The following ZNF638 variants were observed in gnomAD, a reference collection of about 807,000 sequenced individuals.
ZNF638 encodes the protein CTCL tumor antigen se33-1.
In ZNF638, 46 loss-of-function variants were observed where a neutral mutation model predicts 195.6. The observed-to-expected ratio is 0.24, with a 90% CI of 0.19 to 0.30. ZNF638 has a LOEUF of 0.30. Among genes scored for constraint, ZNF638 ranks in the 10% least tolerant of loss-of-function variants. ZNF638 has a pLI of 1.00. For missense variants in ZNF638, 2,440 were observed against 2,325.3 expected (o/e 1.05, Z -1.01); for synonymous variants, 845 against 772.0 (o/e 1.09, Z -1.57).
intron 6 of ZNF638, among the ~76,000 whole-genome samples, chr2:71,366,169 G>A (rs1376673022): frequency 2.0e-5 from 3 of 152,126 alleles, no homozygotes; most frequent in Admixed American, 6.5e-5. Context: ...GAGCTACGTG[G>A]TGGAACTCCC....
chr2:71,426,713 C>T lies in ZNF638; in HGVS notation c.4844C>T (p.Ala1615Val). 1 of 1,614,176 alleles carries T rather than the reference C, an allele frequency of 6.2e-7. No individual in the cohort carries two copies. The highest frequency in any genetic ancestry group is 1.1e-5 in the South Asian group (1 of 91,082). Residue 1615 changes from alanine (A) to valine (V), a missense_variant, in exon 24 of 28, where the codon GCA becomes GTA. By Grantham distance (64) the Ala-to-Val change is moderately conservative. This residue lies in a region of ZNF638 where 1,883 missense variants were observed against 1,739.1 expected (regional missense o/e 1.08). Coordinates refer to ENST00000264447, the MANE Select transcript of ZNF638 (RefSeq NM_014497.5). ...GEEEDAAAHL[A>V]QALVTVDEVI... ...GAGGAAGATGCAGCTGCACATCTAG[C>T]ACAAGCTCTAGTCACTGTGGATGAA...
rs1172432399 is a variant in ZNF638 at position 71,403,970 on chromosome 2, C to A, written c.2930C>A (p.Ala977Asp). 6.2e-7 allele frequency: 1 copy of A among 1,611,728 alleles called. No homozygotes were observed. Among genetic ancestry groups the A allele is most frequent in the Admixed American group, 1.7e-5 (1 of 59,690 alleles). ...GGAAATCAACTCTCAATAAGTATGG[C>A]TCCTGAAAACATGAATATAAAAGAT... ...MDGNQLSISM[A>D]PENMNIKDEE... The change falls in exon 17 of 28, where the codon GCT becomes GAT. Residue 977 changes from alanine to aspartate, a missense_variant. Ala to Asp is a moderately radical substitution (Grantham distance 126, BLOSUM62 -2). Coordinates refer to ENST00000264447, the MANE Select transcript of ZNF638 (RefSeq NM_014497.5).
intron 1 of ZNF638, chr2:71,348,371 G>A (rs944509635): frequency 5.9e-5 from 56 of 955,208 alleles, no homozygotes; most frequent in Admixed American, 1.1e-4. Flanking sequence ...GATAACATGC[G>A]TATTAAATGT....
intron 25 of ZNF638, among the ~76,000 whole-genome samples, chr2:71,429,736 A>G (rs929139833): frequency 6.6e-6 from 1 of 151,832 alleles, no homozygotes; most frequent in South Asian, 2.1e-4. Context: ...TGTTGATGAA[A>G]CCCCCATTAG....
intron 21 of ZNF638, among the ~76,000 whole-genome samples, chr2:71,421,979 A>G (rs1384719889): frequency 6.6e-6 from 1 of 152,210 alleles, no homozygotes; most frequent in African/African-American, 2.4e-5. Flanking sequence ...TGGGAAGACC[A>G]TGATGAAATA....
At chr2:71,381,346 A>G (rs2079531366) in intron 10 of ZNF638, among the ~76,000 whole-genome samples, 1 of 152,082 alleles carries the variant, frequency 6.6e-6, no homozygotes, top group Non-Finnish European at 1.5e-5. Context: ...GTGAGGTGAA[A>G]ATTGGATTGT....
At chr2:71,337,964 A>G (rs2078699487) in intron 1 of ZNF638, among the ~76,000 whole-genome samples, 1 of 152,136 alleles carries the variant, frequency 6.6e-6, no homozygotes, top group African/African-American at 2.4e-5. Flanking sequence ...TTTTGGATTT[A>G]TCTGATGTTT....
At chr2:71,394,896 G>A (rs1247115721) in intron 10 of ZNF638, among the ~76,000 whole-genome samples, 1 of 152,140 alleles carries the variant, frequency 6.6e-6, no homozygotes, top group Non-Finnish European at 1.5e-5. Context: ...GGCTGCCTTG[G>A]AACATGTAGG....
chr2:71,428,719 T>TA, intron 25 of ZNF638, 68 bp downstream of exon 25: 1 of 1,372,150 alleles, frequency 7.3e-7, no homozygotes, highest in Non-Finnish European at 1.0e-6. Context: ...AGTTTAAAGA[T>TA]CTATCTAAGA....
chr2:71,370,384 T>C (rs2079287879), intron 8 of ZNF638, among the ~76,000 whole-genome samples: 2 of 152,226 alleles, frequency 1.3e-5, no homozygotes, highest in South Asian at 2.1e-4. Context: ...AATGCCATAG[T>C]TGAGTTTTGC....
At chr2:71,332,696 C>T (rs552945977) in intron 1 of ZNF638, 3 of 152,110 alleles carry the variant, frequency 2.0e-5, no homozygotes. Context: ...TCCTTGAGAA[C>T]GTTTGAAATA....
chr2:71,355,630 C>T (rs898176378), intron 2 of ZNF638, 89 bp from the exon 3 acceptor site: 1 of 963,672 alleles, frequency 1.0e-6, no homozygotes, highest in Non-Finnish European at 1.5e-6. Flanking sequence ...AATTTTTGAA[C>T]AAAATATTAT....
At chr2:71,356,439 A>G (rs1341960571) in intron 3 of ZNF638, among the ~76,000 whole-genome samples, 1 of 152,184 alleles carries the variant, frequency 6.6e-6, no homozygotes, top group African/African-American at 2.4e-5. Context: ...ACTGAGAGTA[A>G]CGTGTTATTG....
intron 1 of ZNF638, among the ~76,000 whole-genome samples, chr2:71,344,129 C>A (rs1421114282): frequency 6.6e-6 from 1 of 151,654 alleles, no homozygotes; most frequent in African/African-American, 2.4e-5. Context: ...GACTCCGTCT[C>A]AAAAAAAATA....
chr2:71,348,329 T>C, intron 1 of ZNF638: 1 of 877,964 alleles, frequency 1.1e-6, no homozygotes, highest in Non-Finnish European at 1.4e-6. Context: ...TCTTTTAGGC[T>C]TACAGTTCTT....
At chr2:71,333,316 G>A (rs945242475) in intron 1 of ZNF638, among the ~76,000 whole-genome samples, 1 of 152,068 alleles carries the variant, frequency 6.6e-6, no homozygotes, top group Non-Finnish European at 1.5e-5. Flanking sequence ...TTCCTTCCTT[G>A]GGGATTTATT....
intron 10 of ZNF638, among the ~76,000 whole-genome samples, chr2:71,390,662 G>A (rs1430347121): frequency 6.6e-6 from 1 of 152,174 alleles, no homozygotes; most frequent in Non-Finnish European, 1.5e-5. Flanking sequence ...GTTAATCACT[G>A]ATCAGAGACC....
intron 25 of ZNF638, 69 bp downstream of exon 25, chr2:71,428,720 C>A: frequency 7.4e-7 from 1 of 1,351,468 alleles, no homozygotes; most frequent in Non-Finnish European, 1.0e-6. Flanking sequence ...GTTTAAAGAT[C>A]TATCTAAGAA....
At chr2:71,348,364 A>G (rs2078886987) in intron 1 of ZNF638, 7 of 954,972 alleles carry the variant, frequency 7.3e-6, no homozygotes, top group Non-Finnish European at 8.7e-6. Flanking sequence ...TATATCTGAT[A>G]ACATGCGTAT....
Sources: gnomAD v4.1 joint callset for allele counts (sites outside exome capture counted in the v4.1 genomes callset) on GRCh38, gnomAD v4.1.1 for gene constraint, gnomAD v4.1.1 regional missense constraint, MANE v1.5 for transcripts, NCBI Gene and HGNC (gene_info 2026-07-23, HGNC 2026-07-21) for gene names.